The following BCR variants were observed in gnomAD, a reference collection of about 807,000 sequenced individuals.
The protein encoded by BCR is breakpoint cluster region protein.
BCR carries 58 observed loss-of-function variants against 138.6 expected under a neutral mutation model. That is an observed-to-expected ratio of 0.42 (90% CI 0.34 to 0.52). The LOEUF (loss-of-function observed/expected upper bound fraction) is 0.52, where lower values mean the gene tolerates loss of function less well. Ranked by LOEUF, BCR falls within the 20% of genes least tolerant of loss-of-function variation. BCR has a pLI of 0.06. For synonymous variants in BCR, 786 were observed against 730.1 expected (o/e 1.08, Z -1.23); for missense variants, 1,599 against 1,727.2 (o/e 0.93, Z 1.32).
At chr22:23,251,617 T>C (rs1011842140) in intron 1 of BCR, among the ~76,000 whole-genome samples, 2 of 152,198 alleles carry the variant, frequency 1.3e-5, no homozygotes, top group East Asian at 3.8e-4. Flanking sequence ...GATTGCTGGG[T>C]CAGTTGCTCT....
At chr22:23,251,869 G>A (rs1297231259) in intron 1 of BCR, among the ~76,000 whole-genome samples, 2 of 152,224 alleles carry the variant, frequency 1.3e-5, no homozygotes, top group Non-Finnish European at 2.9e-5. Context: ...GATTGGGCCA[G>A]AAGATCCTTG....
intron 1 of BCR, among the ~76,000 whole-genome samples, chr22:23,204,660 T>C (rs576616492): frequency 6.6e-6 from 1 of 152,166 alleles, no homozygotes; most frequent in African/African-American, 2.4e-5. Context: ...GCTGGCTGAT[T>C]TGTTGTCCTC....
chr22:23,276,832 C>A (rs988643431), intron 8 of BCR, among the ~76,000 whole-genome samples: 1 of 152,256 alleles, frequency 6.6e-6, no homozygotes, highest in Admixed American at 6.5e-5. Flanking sequence ...CGTCAGGGTC[C>A]GCTCTCCCTC....
intron 1 of BCR, among the ~76,000 whole-genome samples, chr22:23,187,484 T>TG (rs2072359495): frequency 7.7e-6 from 1 of 129,526 alleles, no homozygotes; most frequent in Non-Finnish European, 1.6e-5. Flanking sequence ...TCTCCTTCTC[T>TG]TTCTCTCTCT....
chr22:23,315,053 C>G (rs1568989032), intron 22 of BCR, among the ~76,000 whole-genome samples: 1 of 152,142 alleles, frequency 6.6e-6, no homozygotes, highest in East Asian at 1.9e-4. Context: ...AACCCCATCT[C>G]TAGAAAAAAT....
At chr22:23,296,341 T>G (rs2073845078) in intron 16 of BCR, among the ~76,000 whole-genome samples, 1 of 139,926 alleles carries the variant, frequency 7.1e-6, no homozygotes, top group Admixed American at 7.7e-5. Context: ...ACCGCTGATC[T>G]CTAGCCTGGG....
chr22:23,273,813 G>A (rs770483198), intron 8 of BCR, 39 bp downstream of exon 8: 1 of 1,611,340 alleles, frequency 6.2e-7, no homozygotes, highest in Admixed American at 1.7e-5. Context: ...CACCCATCCT[G>A]CTGAGCTGGG....
intron 1 of BCR, among the ~76,000 whole-genome samples, chr22:23,183,993 C>A (rs78717117): frequency 6.6e-6 from 1 of 152,310 alleles, no homozygotes; most frequent in African/African-American, 2.4e-5. Context: ...CCACTTGGAC[C>A]CACTTTTAGG....
chr22:23,313,840 T>G (rs2074034904), intron 20 of BCR, 128 bp from the exon 21 acceptor site: 1 of 831,580 alleles, frequency 1.2e-6, no homozygotes. Context: ...GGGCCAGAGC[T>G]GTGAGACTGA....
intron 16 of BCR, among the ~76,000 whole-genome samples, chr22:23,296,091 C>G (rs1049260279): frequency 6.3e-5 from 1 of 15,802 alleles, no homozygotes; most frequent in Non-Finnish European, 1.1e-4. Flanking sequence ...ATACCAAGTG[C>G]CAGGCTGGGC....
At chr22:23,284,498 C>T (rs2073688202) in intron 9 of BCR, among the ~76,000 whole-genome samples, 2 of 152,116 alleles carry the variant, frequency 1.3e-5, no homozygotes, top group Non-Finnish European at 1.5e-5. Context: ...CTCCCTCCTC[C>T]CTGGGTTCAC....
chr22:23,279,547 G>A (rs9608097), intron 8 of BCR, among the ~76,000 whole-genome samples: 26,839 of 152,274 alleles, frequency 0.18, 2,836 homozygotes, highest in Middle Eastern at 0.3. Context: ...TGGGGGCAGG[G>A]TAGCGGGGGC....
intron 16 of BCR, among the ~76,000 whole-genome samples, chr22:23,296,719 A>T (rs2146313688): frequency 6.6e-6 from 1 of 152,336 alleles, no homozygotes; most frequent in South Asian, 2.1e-4. Context: ...AAGCGAGAGG[A>T]TTGCTTGAGC....
chr22:23,183,035 C>T (rs1488925211), intron 1 of BCR, among the ~76,000 whole-genome samples: 1 of 152,236 alleles, frequency 6.6e-6, no homozygotes, highest in African/African-American at 2.4e-5. Context: ...GCTCCTGCTG[C>T]CTCATCTTGC....
intron 1 of BCR, among the ~76,000 whole-genome samples, chr22:23,208,980 C>T (rs1476169215): frequency 6.6e-6 from 1 of 152,212 alleles, no homozygotes; most frequent in African/African-American, 2.4e-5. Flanking sequence ...TGAGTGGATT[C>T]ATATAGCCTT....
intron 1 of BCR, among the ~76,000 whole-genome samples, chr22:23,218,907 C>CGAGGGT (rs1322699484): frequency 6.6e-6 from 1 of 152,138 alleles, no homozygotes; most frequent in African/African-American, 2.4e-5. Flanking sequence ...GGCCCCTTGC[C>CGAGGGT]GAGGGTGAGG....
chr22:23,252,365 G>GGACCGTTCCT (rs2073238505), intron 1 of BCR, among the ~76,000 whole-genome samples: 2 of 152,134 alleles, frequency 1.3e-5, no homozygotes, highest in African/African-American at 4.8e-5. Flanking sequence ...CAAGGTGCAA[G>GGACCGTTCCT]GACCGTTCCT....
intron 1 of BCR, among the ~76,000 whole-genome samples, chr22:23,240,373 C>T (rs888856758): frequency 8.7e-5 from 13 of 148,928 alleles, no homozygotes; most frequent in Admixed American, 2.7e-4. Context: ...ATACATAGGC[C>T]GGGCGCGGTG....
At chr22:23,195,609 G>A (rs992819512) in intron 1 of BCR, among the ~76,000 whole-genome samples, 7 of 151,790 alleles carry the variant, frequency 4.6e-5, no homozygotes, top group African/African-American at 1.2e-4. Context: ...AAAACCGGCC[G>A]GGCGCGGTGG....
Sources: allele counts gnomAD v4.1 joint callset (sites outside exome capture counted in the v4.1 genomes callset), GRCh38; gene constraint gnomAD v4.1.1; transcripts MANE v1.5; gene names NCBI Gene and HGNC (gene_info 2026-07-23, HGNC 2026-07-21).